Variants in KANK1 observed in about 807,000 individuals in gnomAD.
KANK1 encodes the protein KN motif and ankyrin repeat domains 1.
KANK1 carries 109 observed loss-of-function variants against 106.2 expected under a neutral mutation model. The observed-to-expected ratio is 1.03, with a 90% CI of 0.88 to 1.20. The LOEUF is 1.20. KANK1 is among the 50% of genes most tolerant of loss of function. The pLI is 0.00. For synonymous variants in KANK1, 873 were observed against 652.2 expected (o/e 1.34, Z -5.16); for missense variants, 2,399 against 1,710.7 (o/e 1.40, Z -7.10).
At chr9:723,065 A>G (rs1393363202) in intron 3 of KANK1, among the ~76,000 whole-genome samples, 1 of 152,214 alleles carries the variant, frequency 6.6e-6, no homozygotes. Flanking sequence ...CAGCTGGTGA[A>G]GGATGGCGAA....
intron 11 of KANK1, 25 bp from the exon 12 acceptor site, chr9:745,148 G>C (rs778805493): frequency 8.7e-6 from 14 of 1,612,362 alleles, no homozygotes; most frequent in Non-Finnish European, 1.1e-5. Flanking sequence ...TTAACCCCCA[G>C]TTTTTTTCCT....
rs369616486 is a variant in KANK1 at position 712,747 on chromosome 9, G to A, written c.1981G>A (p.Ala661Thr). 20 of 1,613,806 alleles carry A rather than the reference G, an allele frequency of 1.2e-5. No individual in the cohort carries two copies. In the African/African-American group the frequency reaches 2.0e-4, roughly 16 times the overall value. Residue 661 changes from alanine to threonine, a missense_variant, in exon 3 of 12, where the codon GCC (alanine) becomes ACC (threonine). Coordinates refer to ENST00000382297, the MANE Select transcript of KANK1 (RefSeq NM_015158.5). The stretch of plus-strand genomic sequence containing the variant: ...TGAGGCTGTTAGCCAGGTGGAAGCT[G>A]CCGTCATGGCAGTGCCTCGTACTGC... The part of the protein sequence containing the change: ...NTEAVSQVEA[A>T]VMAVPRTADQ...
intron 2 of KANK1, among the ~76,000 whole-genome samples, chr9:698,419 C>G (rs531951625): frequency 6.6e-6 from 1 of 152,274 alleles, no homozygotes; most frequent in South Asian, 2.1e-4. Flanking sequence ...CTTCAGTGAC[C>G]TTCAGAAAAG....
chr9:534,389 G>C (rs1375327366), intron 1 of KANK1, among the ~76,000 whole-genome samples: 2 of 152,150 alleles, frequency 1.3e-5, no homozygotes, highest in East Asian at 1.9e-4. Context: ...GGAGGCTGTG[G>C]ATTTCACTAT....
intron 1 of KANK1, among the ~76,000 whole-genome samples, chr9:633,484 C>A (rs1168662391): frequency 6.6e-6 from 1 of 152,000 alleles, no homozygotes; most frequent in Non-Finnish European, 1.5e-5. Context: ...AAAAAAAACA[C>A]CTTTTTTTGT....
chr9:742,073 C>G, intron 9 of KANK1, 132 bp from the exon 10 acceptor site: 1 of 762,182 alleles, frequency 1.3e-6, no homozygotes, highest in South Asian at 1.7e-5. Flanking sequence ...CCACCTGCCC[C>G]AAGTAGTTCC....
At chr9:530,950 C>T (rs1487687688) in intron 1 of KANK1, among the ~76,000 whole-genome samples, 1 of 151,404 alleles carries the variant, frequency 6.6e-6, no homozygotes, top group Non-Finnish European at 1.5e-5. Flanking sequence ...AGTGAGACAA[C>T]ATCTCAATAA....
intron 8 of KANK1, among the ~76,000 whole-genome samples, chr9:739,758 C>A (rs1446513490): frequency 6.6e-6 from 1 of 151,970 alleles, no homozygotes; most frequent in African/African-American, 2.4e-5. Context: ...TTGGGTTAAT[C>A]ACTTATCTTA....
At position 624,568 on chromosome 9, in the gene KANK1, C is replaced by G. The variant is rs988062598; in HGVS notation, c.-83-52322C>G. ...CCTGTAATCCCAGCACTTTGAGAGG[C>G]TGAGGTGGGTGATCACTTGAGATCA... On this transcript the variant is annotated intron_variant, in intron 1 of 11. Coordinates refer to ENST00000382297, the MANE Select transcript of KANK1 (RefSeq NM_015158.5). Among the ~76,000 whole-genome samples, 3 of 152,090 alleles carry G rather than the reference C, an allele frequency of 2.0e-5. No individual in the cohort carries two copies. In the East Asian group the frequency reaches 5.8e-4, roughly 29 times the overall value.
intron 10 of KANK1, among the ~76,000 whole-genome samples, chr9:743,448 C>G (rs1350442249): frequency 6.6e-6 from 1 of 152,178 alleles, no homozygotes; most frequent in African/African-American, 2.4e-5. Flanking sequence ...GTTAGCTGTG[C>G]TGTGGTTTTT....
rs1407407842 is a variant in KANK1 at position 643,535 on chromosome 9, TC to T, written c.-83-33354del. Among the ~76,000 whole-genome samples the T allele has an allele frequency of 6.1e-5, 9 of 147,084 alleles. No individual in the cohort carries two copies. In the East Asian group the frequency reaches 1.8e-3, roughly 29 times the overall value. On this transcript the variant is annotated intron_variant, in intron 1 of 11. Transcript: ENST00000382297. ...TAAATAAACCAGAATTTGCTTTTTT[TC>T]TTTTTGATTTTTTTTTTTTTTTTTT... is the stretch of plus-strand genomic sequence containing the variant.
intron 1 of KANK1, among the ~76,000 whole-genome samples, chr9:513,728 T>G (rs1168765592): frequency 6.6e-6 from 1 of 152,150 alleles, no homozygotes; most frequent in Non-Finnish European, 1.5e-5. Context: ...CCTTTGACCT[T>G]GGGAAAAAAT....
chr9:731,318 C>G (rs752240204), intron 5 of KANK1, 52 bp downstream of exon 5: 1 of 1,088,492 alleles, frequency 9.2e-7, no homozygotes, highest in Non-Finnish European at 1.4e-6. Context: ...TCCTTTACCT[C>G]CTGCCTAAGT....
chr9:482,892 T>G (rs1036397296), intron 3 of KANK1, among the ~76,000 whole-genome samples: 1 of 152,186 alleles, frequency 6.6e-6, no homozygotes, highest in African/African-American at 2.4e-5. Context: ...AGTAGCATGA[T>G]GAAATCTTAG....
At position 745,312 on chromosome 9, in the gene KANK1, T is replaced by A; in HGVS notation, c.*77T>A. ...TCCTGTTGGGGTGACAGATACTGAA[T>A]GTATACGTATTGTGCCTGAGCTCAC... On this transcript the variant is annotated 3_prime_UTR_variant, in exon 12 of 12. Coordinates refer to ENST00000382297, the MANE Select transcript of KANK1 (RefSeq NM_015158.5). The A allele has an allele frequency of 6.4e-7, 1 of 1,563,764 alleles. No homozygotes were observed. Among genetic ancestry groups the A allele is most frequent in the Non-Finnish European group, 8.8e-7 (1 of 1,135,468 alleles).
chr9:611,866 A>G (rs766115885), intron 1 of KANK1, among the ~76,000 whole-genome samples: 1 of 152,016 alleles, frequency 6.6e-6, no homozygotes, highest in South Asian at 2.1e-4. Context: ...TTACAGGCGC[A>G]TGCCACCACA....
At chr9:477,038 G>A (rs1373836381) in intron 3 of KANK1, among the ~76,000 whole-genome samples, 2 of 152,158 alleles carry the variant, frequency 1.3e-5, no homozygotes, top group Non-Finnish European at 2.9e-5. Context: ...AAGTTTAAAA[G>A]CACATTTGTC....
intron 2 of KANK1, among the ~76,000 whole-genome samples, chr9:697,958 G>A (rs1270539551): frequency 6.6e-6 from 1 of 152,142 alleles, no homozygotes; most frequent in African/African-American, 2.4e-5. Flanking sequence ...ATCTGTGGTA[G>A]GCAGGCCAAC....
In KANK1 at chr9:745,222, G is replaced by A. The variant is rs147338571; in HGVS notation, c.4046G>A (p.Gly1349Asp). 1 of 1,614,016 alleles carries A rather than the reference G, an allele frequency of 6.2e-7. No individual in the cohort carries two copies. Among genetic ancestry groups the A allele is most frequent in the Non-Finnish European group, 8.5e-7 (1 of 1,179,972 alleles). The change falls in exon 12 of 12, where the codon GGT (glycine) becomes GAT (aspartate). Residue 1349 changes from glycine (G) to aspartate (D), a missense_variant. Transcript: ENST00000382297. ...RKTSPGPTHR[G>D]SFD ...ACGTCTCCTGGCCCCACCCACCGAG[G>A]TTCATTTGATTGATTGTATGCAAAT...
Sources: allele counts gnomAD v4.1 joint callset (sites outside exome capture counted in the v4.1 genomes callset), GRCh38; gene constraint gnomAD v4.1.1; transcripts MANE v1.5; gene names NCBI Gene and HGNC (gene_info 2026-07-23, HGNC 2026-07-21).